The following IL1RAPL1 variants were observed in gnomAD, a reference collection of about 807,000 sequenced individuals.
IL1RAPL1 encodes the protein interleukin 1 receptor accessory protein like 1.
A neutral mutation model predicts 48.4 loss-of-function variants in IL1RAPL1; 3 were observed. The observed-to-expected ratio is 0.06, with a 90% CI of 0.03 to 0.16. The LOEUF is 0.16. Among genes scored for constraint, IL1RAPL1 ranks in the 10% least tolerant of loss-of-function variants. The pLI is 1.00. For missense variants in IL1RAPL1, 349 were observed against 530.6 expected (o/e 0.66, Z 3.36); for synonymous variants, 185 against 187.7 (o/e 0.99, Z 0.12).
intron 2 of IL1RAPL1, among the ~76,000 whole-genome samples, chrX:29,014,952 C>T (rs1034746891): frequency 1.9e-4 from 21 of 111,264 alleles, no homozygotes; most frequent in African/African-American, 6.5e-4. Flanking sequence ...AGAAACACTG[C>T]TTTCATGAAT....
At chrX:29,396,508 A>G (rs1933920939) in intron 4 of IL1RAPL1, 64 bp downstream of exon 4, 2 of 1,028,600 alleles carry the variant, frequency 1.9e-6, no homozygotes, top group Non-Finnish European at 2.7e-6. Flanking sequence ...TTCTGGGACA[A>G]ATTGGATAGA....
At chrX:28,947,552 G>A (rs1386565469) in intron 2 of IL1RAPL1, among the ~76,000 whole-genome samples, 3 of 110,438 alleles carry the variant, frequency 2.7e-5, no homozygotes, top group Non-Finnish European at 5.7e-5. Context: ...GGGGCCTGTC[G>A]TGGGGTGGGA....
chrX:28,783,752 C>T (rs192248642), intron 1 of IL1RAPL1, among the ~76,000 whole-genome samples: 68 of 111,540 alleles, frequency 6.1e-4, no homozygotes, highest in Non-Finnish European at 3.8e-4. Flanking sequence ...CCCTTTCTAC[C>T]TTAGTCATTA....
At chrX:29,907,052 G>A (rs1223885757) in intron 6 of IL1RAPL1, among the ~76,000 whole-genome samples, 4 of 111,521 alleles carry the variant, frequency 3.6e-5, no homozygotes, top group Non-Finnish European at 7.5e-5. Flanking sequence ...AAAGTTAATG[G>A]TAGCATTAGT....
At chrX:29,885,250 T>C (rs1932126157) in intron 6 of IL1RAPL1, among the ~76,000 whole-genome samples, 1 of 112,190 alleles carries the variant, frequency 8.9e-6, no homozygotes, top group Middle Eastern at 4.6e-3. Flanking sequence ...CAGTGAGTCC[T>C]ATTTCGATTT....
chrX:29,869,597 T>C (rs1038786962), intron 6 of IL1RAPL1, among the ~76,000 whole-genome samples: 4 of 111,476 alleles, frequency 3.6e-5, no homozygotes, highest in African/African-American at 1.3e-4. Flanking sequence ...CATGAACTTC[T>C]TGCCACAGTT....
chrX:29,315,357 C>G (rs1932765439), intron 3 of IL1RAPL1, among the ~76,000 whole-genome samples: 1 of 111,444 alleles, frequency 9.0e-6, no homozygotes, highest in African/African-American at 3.3e-5. Flanking sequence ...AGGTGTGGAG[C>G]TGGGGTCCTA....
At chrX:29,236,396 C>T (rs1931293679) in intron 2 of IL1RAPL1, among the ~76,000 whole-genome samples, 1 of 110,533 alleles carries the variant, frequency 9.0e-6, no homozygotes, top group Non-Finnish European at 1.9e-5. Flanking sequence ...TTCTGGTTAG[C>T]GTTGACTGGC....
intron 6 of IL1RAPL1, among the ~76,000 whole-genome samples, chrX:29,760,718 C>G (rs777221617): frequency 9.0e-6 from 1 of 111,404 alleles, no homozygotes; most frequent in Non-Finnish European, 1.9e-5. Flanking sequence ...GAGAATTAGG[C>G]AAACTGGCAC....
chrX:29,511,680 C>G (rs5972315), intron 5 of IL1RAPL1, among the ~76,000 whole-genome samples: 44,100 of 110,370 alleles, frequency 0.4, 6,633 homozygotes, highest in East Asian at 0.69. Flanking sequence ...GTCCTTTTTG[C>G]ATTTTGACTC....
intron 2 of IL1RAPL1, among the ~76,000 whole-genome samples, chrX:29,122,447 ACTCGCCCCC>A (rs1928812610): frequency 1.4e-5 from 1 of 69,189 alleles, no homozygotes; most frequent in African/African-American, 6.1e-5. Flanking sequence ...ACACACACAC[ACTCGCCCCC>A]CCCACCCCCA....
intron 2 of IL1RAPL1, chrX:28,942,547 C>T (rs1004245433): frequency 1.9e-4 from 20 of 105,476 alleles, no homozygotes; most frequent in African/African-American, 6.9e-4. Flanking sequence ...GGAATCCTAA[C>T]ATACGTGGTT....
chrX:29,527,292 G>A (rs1320251426), intron 5 of IL1RAPL1, among the ~76,000 whole-genome samples: 1 of 88,012 alleles, frequency 1.1e-5, no homozygotes, highest in African/African-American at 4.3e-5. Context: ...AAATATTGGT[G>A]AATTATTTTA....
At chrX:29,046,637 C>T (rs1452822365) in intron 2 of IL1RAPL1, among the ~76,000 whole-genome samples, 1 of 111,798 alleles carries the variant, frequency 8.9e-6, no homozygotes, top group Non-Finnish European at 1.9e-5. Flanking sequence ...AGCTAGCCAT[C>T]CTGCCCCTAC....
chrX:29,297,887 T>C (rs1354100457), intron 3 of IL1RAPL1, among the ~76,000 whole-genome samples: 1 of 112,162 alleles, frequency 8.9e-6, no homozygotes, highest in Admixed American at 9.5e-5. Flanking sequence ...GCTAATTTAT[T>C]TGAAGAATGA....
intron 2 of IL1RAPL1, among the ~76,000 whole-genome samples, chrX:28,954,587 T>C (rs911272217): frequency 7.2e-5 from 8 of 110,658 alleles, no homozygotes; most frequent in African/African-American, 2.6e-4. Flanking sequence ...ATAAGAGATT[T>C]GTTTAATTTC....
intron 2 of IL1RAPL1, among the ~76,000 whole-genome samples, chrX:29,124,731 A>C (rs898829573): frequency 8.9e-6 from 1 of 112,395 alleles, no homozygotes; most frequent in African/African-American, 3.2e-5. Context: ...CATCATTTCC[A>C]TAAAAAAGTA....
At chrX:29,222,180 T>C (rs1184679043) in intron 2 of IL1RAPL1, among the ~76,000 whole-genome samples, 1 of 111,446 alleles carries the variant, frequency 9.0e-6, no homozygotes, top group East Asian at 2.8e-4. Flanking sequence ...CAATAGAGGA[T>C]TCACCTCAAA....
chrX:29,238,861 C>T (rs1427593634), intron 2 of IL1RAPL1, among the ~76,000 whole-genome samples: 4 of 111,863 alleles, frequency 3.6e-5, no homozygotes, highest in Non-Finnish European at 3.8e-5. Flanking sequence ...TGTCAGAGGC[C>T]GATGTGGCTG....
Sources: gnomAD v4.1 joint callset for allele counts (sites outside exome capture counted in the v4.1 genomes callset) on GRCh38, gnomAD v4.1.1 for gene constraint, MANE v1.5 for transcripts, NCBI Gene and HGNC (gene_info 2026-07-23, HGNC 2026-07-21) for gene names.